Variants in KRI1 observed in about 807,000 individuals in gnomAD.
KRI1 encodes protein KRI1 homolog.
KRI1 carries 83 observed loss-of-function variants against 97.0 expected under a neutral mutation model. The observed-to-expected ratio is 0.86, with a 90% CI of 0.72 to 1.03. The LOEUF (loss-of-function observed/expected upper bound fraction) is 1.03, where lower values mean the gene tolerates loss of function less well. KRI1 is among the 50% of genes least tolerant of loss of function. The pLI is 0.00. For missense variants in KRI1, 916 were observed against 928.4 expected (o/e 0.99, Z 0.17); for synonymous variants, 371 against 363.5 (o/e 1.02, Z -0.23).
Position 10,559,954 on chromosome 19 carries a change from G to A in KRI1, c.801-18C>T. The A allele has an allele frequency of 1.9e-6, 3 of 1,607,244 alleles. No individual in the cohort carries two copies. In the South Asian group the frequency reaches 3.3e-5, roughly 18 times the overall value. On this transcript the variant is annotated intron_variant, in intron 9 of 18. Coordinates refer to ENST00000312962, the MANE Select transcript of KRI1 (RefSeq NM_023008.5). ...CGTGGACCCTGAGGGGCAAGATGTGGTGATGCCAGGGGGCCAGCCAAGTGA... is the reference window on the plus strand; with the variant it reads ...CGTGGACCCTGAGGGGCAAGATGTGATGATGCCAGGGGGCCAGCCAAGTGA...
intron 14 of KRI1, 34 bp downstream of exon 14, chr19:10,557,938 G>C (rs1271694814): frequency 6.2e-7 from 1 of 1,613,834 alleles, no homozygotes; most frequent in Admixed American, 1.7e-5. Context: ...CCCCCGTCAG[G>C]GCCCCTGGGA....
In KRI1 at chr19:10,557,648, A is replaced by G. The variant is rs1403390025; in HGVS notation, c.1521T>C (p.Tyr507=). Reference sequence around the variant, plus strand: ...TGATGTCCTCGTAGTCCAGCCGGTAATACTCATCCAGGTACTCCTCGAACG... The same window carrying G: ...TGATGTCCTCGTAGTCCAGCCGGTAGTACTCATCCAGGTACTCCTCGAACG... ...DKTFEEYLDE[Y]YRLDYEDIID... The change falls in exon 16 of 19, where the codon TAT becomes TAC. Residue 507 remains tyrosine (Y), a synonymous_variant. Transcript: ENST00000312962. The G allele has an allele frequency of 1.2e-6, 2 of 1,614,158 alleles. No homozygotes were observed. Among genetic ancestry groups the G allele is most frequent in the Non-Finnish European group, 8.5e-7 (1 of 1,180,014 alleles).
At chr19:10,564,268 C>T (rs1289618529) in intron 3 of KRI1, among the ~76,000 whole-genome samples, 1 of 151,614 alleles carries the variant, frequency 6.6e-6, no homozygotes, top group African/African-American at 2.4e-5. Context: ...CGAGACCAGC[C>T]TGGCCAACAT....
Position 10,565,939 on chromosome 19 carries a change from T to C in KRI1, c.61A>G (p.Asn21Asp), listed in dbSNP as rs1916861362. The change falls in exon 1 of 19, where the codon AAC becomes GAC. Residue 21 changes from asparagine to aspartate, a missense_variant. By Grantham distance (23) the Asn-to-Asp change is conservative. Coordinates refer to ENST00000312962, the MANE Select transcript of KRI1 (RefSeq NM_023008.5). ...AGTTCCTCGCGCTCCCGGTAGCGGT[T>C]GTACCGCGCGGCAAACGCCGCGTTC... is the stretch of plus-strand genomic sequence containing the variant. ...RVNAAFAARYNRYREREELQR... is the reference protein window; with the variant it reads ...RVNAAFAARYDRYREREELQR... The C allele has an allele frequency of 6.5e-7, 1 of 1,532,328 alleles. No homozygotes were observed. The highest frequency in any genetic ancestry group is 2.5e-5 in the East Asian group (1 of 39,316). 94.9% of individuals were successfully genotyped at this position (1,532,328 alleles called of 1,614,324 possible).
intron 17 of KRI1, 30 bp downstream of exon 17, chr19:10,555,255 A>G: frequency 1.2e-6 from 2 of 1,613,162 alleles, no homozygotes; most frequent in Non-Finnish European, 1.7e-6. Flanking sequence ...CCCCCTGCGC[A>G]TGTGGCCCCG....
chr19:10,559,574 G>A lies in KRI1; in HGVS notation c.1023+39C>T, dbSNP rs769073355. On this transcript the variant is annotated intron_variant, in intron 11 of 18. Coordinates refer to ENST00000312962, the MANE Select transcript of KRI1 (RefSeq NM_023008.5). ...GGGGGAGGGCATGGGCTTTCCTCCA[G>A]GGCTGGGGGGTCCTCCCCAGCTCAC... is the stretch of plus-strand genomic sequence containing the variant. 3.1e-6 allele frequency: 5 copies of A among 1,613,724 alleles called. No homozygotes were observed. In the East Asian group the frequency reaches 6.7e-5, roughly 22 times the overall value.
intron 16 of KRI1, among the ~76,000 whole-genome samples, chr19:10,555,578 G>A (rs1916480822): frequency 6.6e-6 from 1 of 152,184 alleles, no homozygotes; most frequent in Admixed American, 6.5e-5. Flanking sequence ...CAGATGGCTG[G>A]GAAGTTGGCT....
chr19:10,559,098 G>A (rs534949792), intron 12 of KRI1, among the ~76,000 whole-genome samples: 2 of 151,658 alleles, frequency 1.3e-5, no homozygotes, highest in South Asian at 2.1e-4. Flanking sequence ...TCTGCCTCCC[G>A]GGTTCAAGCA....
intron 4 of KRI1, 131 bp from the exon 5 acceptor site, chr19:10,561,976 T>C (rs1336919685): frequency 1.3e-6 from 1 of 742,496 alleles, no homozygotes; most frequent in African/African-American, 1.8e-5. Context: ...CTGAGACTCC[T>C]GCTCTCAGGG....
intron 2 of KRI1, 149 bp downstream of exon 2, chr19:10,565,568 G>T: frequency 9.7e-7 from 1 of 1,027,466 alleles, no homozygotes; most frequent in Non-Finnish European, 1.4e-6. Flanking sequence ...GGGGGGCACT[G>T]TCTGTCCCTC....
At chr19:10,565,083 G>T (rs201773098) in intron 2 of KRI1, 49 bp from the exon 3 acceptor site, 1 of 1,234,374 alleles carries the variant, frequency 8.1e-7, no homozygotes. Context: ...GAGATAATAA[G>T]AGCCCTGGCG....
At position 10,557,614 on chromosome 19, in the gene KRI1, GGTCGTCGATGAT is replaced by G; in HGVS notation, c.1543_1554del (p.Ile515_Asp518del). On this transcript the variant is annotated inframe_deletion, in exon 16 of 19. Transcript: ENST00000312962. ...GTGCGGTACTTGAAGCGACAGGGCAGGTCGTCGATGATGTCCTCGTAGTCCAGCCGGTAATAC... is the reference window on the plus strand; with the variant it reads ...GTGCGGTACTTGAAGCGACAGGGCAGGTCCTCGTAGTCCAGCCGGTAATAC... 1.9e-6 allele frequency: 3 copies of G among 1,614,204 alleles called. No individual in the cohort carries two copies. The highest frequency in any genetic ancestry group is 2.5e-6 in the Non-Finnish European group (3 of 1,180,026).
rs1297226775 is a variant in KRI1, at chr19:10,553,839, G to T, written c.*112C>A. On this transcript the variant is annotated 3_prime_UTR_variant, in exon 19 of 19. Transcript: ENST00000312962. ...CCCAAAGTGCTGGGATTACAGGCGT[G>T]CCTGGCCACAGATGAGAGGATCTCT... 8 of 956,844 alleles carry T rather than the reference G, an allele frequency of 8.4e-6. No individual in the cohort carries two copies. The highest frequency in any genetic ancestry group is 1.2e-5 in the Non-Finnish European group (8 of 667,780). 59.3% of individuals were successfully genotyped at this position (956,844 alleles called of 1,614,324 possible).
chr19:10,560,955 C>A (rs372719203), intron 8 of KRI1, 48 bp downstream of exon 8: 1 of 1,410,556 alleles, frequency 7.1e-7, no homozygotes, highest in Non-Finnish European at 1.0e-6. Flanking sequence ...GTTGGATGGA[C>A]GCGGAACACG....
intron 3 of KRI1, among the ~76,000 whole-genome samples, chr19:10,563,545 C>A (rs1916763316): frequency 6.6e-6 from 1 of 151,902 alleles, no homozygotes; most frequent in Non-Finnish European, 1.5e-5. Context: ...TGGGGTTTCA[C>A]CATGTTGGCC....
chr19:10,565,340 G>A (rs1916830418), intron 2 of KRI1: 1 of 535,680 alleles, frequency 1.9e-6, no homozygotes, highest in South Asian at 2.3e-5. Flanking sequence ...GGGAGGGGCT[G>A]GGCCAGGCCG....
At position 10,553,888 on chromosome 19, in the gene KRI1, C is replaced by A; in HGVS notation, c.*63G>T. 2 of 1,333,414 alleles carry A rather than the reference C, an allele frequency of 1.5e-6. No individual in the cohort carries two copies. Among genetic ancestry groups the A allele is most frequent in the African/African-American group, 3.0e-5 (2 of 67,438 alleles). 82.6% of individuals were successfully genotyped at this position (1,333,414 alleles called of 1,614,324 possible). A position where few individuals can be genotyped will look rare whatever the true frequency, so the allele number is the denominator to read the frequency against. On this transcript the variant is annotated 3_prime_UTR_variant, in exon 19 of 19. Coordinates refer to ENST00000312962, the MANE Select transcript of KRI1 (RefSeq NM_023008.5). ...CTGCAGCAGATAGTACTTGTGGGTG[C>A]GAGACCTGTCCAGGGCTTGATTTGA...
rs369242066 is a variant in KRI1 at position 10,554,109 on chromosome 19, CCCT to C, written c.1951_1953del (p.Arg651del). ...GGGCCCAGCAGCCGTGCCTTCTTGG[CCCT>C]CCTCCGCTTCTGGGGGGCTGGCTTC... On this transcript the variant is annotated inframe_deletion, in exon 19 of 19. Coordinates refer to ENST00000312962, the MANE Select transcript of KRI1 (RefSeq NM_023008.5). 21 of 1,614,194 alleles carry C rather than the reference CCCT, an allele frequency of 1.3e-5. 1 individual carries two copies. Among genetic ancestry groups the C allele is most frequent in the African/African-American group, 1.2e-4 (9 of 75,058 alleles).
At chr19:10,554,883 C>T (rs1173412615) in intron 18 of KRI1, among the ~76,000 whole-genome samples, 2 of 152,194 alleles carry the variant, frequency 1.3e-5, no homozygotes, top group African/African-American at 4.8e-5. Flanking sequence ...TCTCTATCTC[C>T]ATCTTATGAG....
Sources: gnomAD v4.1 joint callset for allele counts (sites outside exome capture counted in the v4.1 genomes callset) on GRCh38, gnomAD v4.1.1 for gene constraint, MANE v1.5 for transcripts, NCBI Gene and HGNC (gene_info 2026-07-23, HGNC 2026-07-21) for gene names.